ACMSD: variants seen among roughly 807,000 people sequenced by gnomAD.
ACMSD encodes the protein aminocarboxymuconate semialdehyde decarboxylase.
Under a neutral mutation model 45.9 loss-of-function variants are expected in ACMSD, and 37 were observed. That is an observed-to-expected ratio of 0.81 (90% confidence interval 0.62 to 1.06). The LOEUF is 1.06. Ranked by LOEUF, ACMSD falls within the 50% of genes least tolerant of loss-of-function variation. The pLI is 0.00. For missense variants in ACMSD, 434 were observed against 420.9 expected (o/e 1.03, Z -0.27); for synonymous variants, 138 against 148.8 (o/e 0.93, Z 0.53).
intron 2 of ACMSD, among the ~76,000 whole-genome samples, chr2:134,852,084 G>A (rs139437828): frequency 6.6e-6 from 1 of 152,122 alleles, no homozygotes; most frequent in Non-Finnish European, 1.5e-5. Context: ...ACTTAAATTA[G>A]ACTACTTTGA....
chr2:134,877,123 C>A (rs1688778288), intron 8 of ACMSD, among the ~76,000 whole-genome samples: 1 of 152,134 alleles, frequency 6.6e-6, no homozygotes, highest in Non-Finnish European at 1.5e-5. Flanking sequence ...TTGTTTACAC[C>A]AGCATCACCA....
intron 5 of ACMSD, among the ~76,000 whole-genome samples, chr2:134,866,523 A>C (rs1180377584): frequency 1.3e-5 from 2 of 152,216 alleles, no homozygotes; most frequent in Non-Finnish European, 2.9e-5. Context: ...TTGAATTAAA[A>C]GTCCTTTCTT....
intron 2 of ACMSD, among the ~76,000 whole-genome samples, chr2:134,848,305 T>C (rs1489811537): frequency 2.6e-5 from 4 of 152,230 alleles, no homozygotes; most frequent in African/African-American, 9.6e-5. Flanking sequence ...AGTGATGAGA[T>C]TGCTGGGTCA....
intron 2 of ACMSD, among the ~76,000 whole-genome samples, chr2:134,852,363 GA>G (rs1687384284): frequency 6.6e-6 from 1 of 152,168 alleles, no homozygotes; most frequent in South Asian, 2.1e-4. Context: ...TGGAGGCTGA[GA>G]AATCATTCAG....
intron 9 of ACMSD, among the ~76,000 whole-genome samples, chr2:134,898,843 C>G (rs1187409743): frequency 6.6e-6 from 1 of 152,052 alleles, no homozygotes; most frequent in Non-Finnish European, 1.5e-5. Context: ...TCCAAGGAAT[C>G]AGATCCTTTA....
At chr2:134,853,419 T>A (rs1687439382) in intron 2 of ACMSD, among the ~76,000 whole-genome samples, 1 of 145,944 alleles carries the variant, frequency 6.9e-6, no homozygotes, top group Non-Finnish European at 1.5e-5. Flanking sequence ...AGGAATTGTT[T>A]AAAAAAAAAA....
chr2:134,860,856 C>CAAAA (rs60233157), intron 3 of ACMSD, among the ~76,000 whole-genome samples: 1,864 of 72,332 alleles, frequency 0.026, 128 homozygotes, highest in African/African-American at 0.091. Flanking sequence ...CCTGTCTCCA[C>CAAAA]AAAAAAAAAA....
intron 3 of ACMSD, among the ~76,000 whole-genome samples, chr2:134,860,904 C>A (rs921578647): frequency 1.3e-5 from 2 of 148,448 alleles, no homozygotes; most frequent in Admixed American, 6.8e-5. Context: ...GTGGCATGCA[C>A]CTGTGATCCC....
At chr2:134,899,970 AT>A (rs374803268) in intron 9 of ACMSD, among the ~76,000 whole-genome samples, 79 of 152,338 alleles carry the variant, frequency 5.2e-4, no homozygotes, top group African/African-American at 1.8e-3. Context: ...AACATAAAAT[AT>A]CTCTGGAACA....
At chr2:134,844,688 T>C (rs1203408899) in intron 1 of ACMSD, among the ~76,000 whole-genome samples, 4 of 152,166 alleles carry the variant, frequency 2.6e-5, no homozygotes, top group Non-Finnish European at 5.9e-5. Flanking sequence ...GCCAGTGAAA[T>C]GCAGGCGCTG....
intron 7 of ACMSD, 59 bp downstream of exon 7, chr2:134,871,119 G>A (rs913233458): frequency 2.1e-6 from 3 of 1,409,852 alleles, no homozygotes; most frequent in African/African-American, 1.4e-5. Context: ...CACAGATGGG[G>A]TGACTGTAAG....
chr2:134,849,352 C>G (rs1198983040), intron 2 of ACMSD, among the ~76,000 whole-genome samples: 1 of 152,056 alleles, frequency 6.6e-6, no homozygotes, highest in Non-Finnish European at 1.5e-5. Context: ...AAAAACAAAA[C>G]AAAGCAAACC....
intron 8 of ACMSD, 90 bp from the exon 9 acceptor site, chr2:134,898,251 C>A: frequency 1.5e-6 from 1 of 685,030 alleles, no homozygotes; most frequent in Non-Finnish European, 2.2e-6. Flanking sequence ...ATTTTTATGA[C>A]AGGAATGTTT....
At position 134,863,387 on chromosome 2, in the gene ACMSD, T is replaced by A; in HGVS notation, c.250-8T>A. 1 of 1,612,892 alleles carries A rather than the reference T, an allele frequency of 6.2e-7. No individual in the cohort carries two copies. The highest frequency in any genetic ancestry group is 8.5e-7 in the Non-Finnish European group (1 of 1,178,950). On this transcript the variant is annotated splice_polypyrimidine_tract_variant and splice_region_variant and intron_variant, in intron 4 of 9. Transcript: ENST00000356140. ...ACAATGCGGTTTTCCCTTTCCTGTCTCCACCAGGCCAAACCTGAGGACACT... is the reference window on the plus strand; with the variant it reads ...ACAATGCGGTTTTCCCTTTCCTGTCACCACCAGGCCAAACCTGAGGACACT...
chr2:134,873,265 G>A (rs1688555693), intron 8 of ACMSD: 1 of 152,638 alleles, frequency 6.6e-6, no homozygotes, highest in African/African-American at 2.4e-5. Flanking sequence ...AAGCGCACAA[G>A]AAAAAGTCTT....
At chr2:134,899,484 T>C (rs1386631851) in intron 9 of ACMSD, among the ~76,000 whole-genome samples, 2 of 152,158 alleles carry the variant, frequency 1.3e-5, no homozygotes, top group Non-Finnish European at 2.9e-5. Flanking sequence ...TTTTTATCTT[T>C]TTTTTTAAAC....
chr2:134,861,947 C>T (rs775065929), intron 3 of ACMSD, 22 bp from the exon 4 acceptor site: 7 of 1,613,994 alleles, frequency 4.3e-6, no homozygotes, highest in South Asian at 3.3e-5. Context: ...CCAGCTTTGC[C>T]CTTCTTTGTG....
chr2:134,870,764 T>C, intron 6 of ACMSD, among the ~76,000 whole-genome samples: 1 of 152,172 alleles, frequency 6.6e-6, no homozygotes, highest in Non-Finnish European at 1.5e-5. Context: ...AGCCATTAGA[T>C]GACTCTCCCT....
chr2:134,896,418 G>C (rs1690153668), intron 8 of ACMSD, among the ~76,000 whole-genome samples: 1 of 152,152 alleles, frequency 6.6e-6, no homozygotes. Flanking sequence ...TAAGGCTCTA[G>C]TATTCAGAAC....
Sources: allele counts gnomAD v4.1 joint callset (sites outside exome capture counted in the v4.1 genomes callset), GRCh38; gene constraint gnomAD v4.1.1; transcripts MANE v1.5; gene names NCBI Gene and HGNC (gene_info 2026-07-23, HGNC 2026-07-21).